The following GMPR variants were observed in gnomAD, a reference collection of about 807,000 sequenced individuals.
GMPR encodes GMP reductase 1.
GMPR carries 31 observed loss-of-function variants against 38.4 expected under a neutral mutation model. The ratio of observed to expected loss-of-function variants is 0.81; its 90% CI spans 0.61 to 1.09. The LOEUF (loss-of-function observed/expected upper bound fraction) is 1.09. Among genes scored for constraint, GMPR ranks in the 50% least tolerant of loss-of-function variants. GMPR has a pLI of 0.00. For missense variants in GMPR, 468 were observed against 453.7 expected, an observed-to-expected ratio of 1.03 and a Z score of -0.29; for synonymous variants, 162 against 173.3, an observed-to-expected ratio of 0.93 and a Z score of 0.51.
chr6:16,242,293 A>G (rs1250837299), intron 1 of GMPR, among the ~76,000 whole-genome samples: 1 of 151,072 alleles, frequency 6.6e-6, no homozygotes, highest in Non-Finnish European at 1.5e-5. Context: ...GCTGGGAGGA[A>G]GGATACCTGT....
At chr6:16,288,456 CGCTGGATTTCTG>C (rs1759743491) in intron 7 of GMPR, among the ~76,000 whole-genome samples, 2 of 152,208 alleles carry the variant, frequency 1.3e-5, no homozygotes, top group South Asian at 4.1e-4. Context: ...ACTGGCGCTG[CGCTGGATTTCTG>C]GCTGGGCCTT....
chr6:16,290,765 T>C, intron 8 of GMPR, 144 bp downstream of exon 8: 1 of 680,014 alleles, frequency 1.5e-6, no homozygotes, highest in Non-Finnish European at 2.5e-6. Context: ...CTAATTTGTA[T>C]CCAGTTAGCA....
At position 16,248,274 on chromosome 6, in the gene GMPR, C is replaced by G. The variant is rs376124843; in HGVS notation, c.207+1313C>G. 5.2e-5 allele frequency among the ~76,000 whole-genome samples: 7 copies of G among 133,876 alleles called. No homozygotes were observed. In the South Asian group the frequency reaches 1.8e-3, roughly 35 times the overall value. The allele number at this position is 133,876 out of a possible 152,430, so 87.8% of individuals were successfully genotyped here. A position where few individuals can be genotyped will look rare whatever the true frequency, so the allele number is the denominator to read the frequency against. On this transcript the variant is annotated intron_variant, in intron 2 of 8. Coordinates refer to ENST00000259727, the MANE Select transcript of GMPR (RefSeq NM_006877.4). The stretch of plus-strand genomic sequence containing the variant: ...AAAAAAAAAAATTCATTGTATAGAT[C>G]AATCTGAGAAGTACTGTTTGTTAAA...
At chr6:16,240,630 G>A (rs1758629911) in intron 1 of GMPR, among the ~76,000 whole-genome samples, 1 of 152,162 alleles carries the variant, frequency 6.6e-6, no homozygotes, top group Admixed American at 6.6e-5. Context: ...TGTCTCTAAA[G>A]CTAAAATGAA....
intron 7 of GMPR, chr6:16,289,887 T>G (rs6920860): frequency 8.4e-6 from 1 of 118,814 alleles, no homozygotes; most frequent in Non-Finnish European, 1.7e-5. Context: ...TTTTTTTTTG[T>G]GAGACGGAGT....
chr6:16,284,714 T>C (rs1308531012), intron 6 of GMPR, among the ~76,000 whole-genome samples: 4 of 152,058 alleles, frequency 2.6e-5, no homozygotes, highest in Non-Finnish European at 4.4e-5. Context: ...TGGTGTCTTG[T>C]GTTTGTAAGA....
chr6:16,295,480 CTT>C lies in GMPR; in HGVS notation c.*296_*297del. 3.5e-6 allele frequency: 1 copy of C among 287,954 alleles called. No homozygotes were observed. Among genetic ancestry groups the C allele is most frequent in the Non-Finnish European group, 6.4e-6 (1 of 157,002 alleles). The allele number at this position is 287,954 out of a possible 1,614,324, so 17.8% of individuals were successfully genotyped here. On this transcript the variant is annotated 3_prime_UTR_variant, in exon 9 of 9. Transcript: ENST00000259727. The stretch of plus-strand genomic sequence containing the variant: ...TCTTTTTCTCTTTCTCTCTCCCTTT[CTT>C]TGTTTTTCTTTCTTTTTTAAAAGAA...
intron 4 of GMPR, among the ~76,000 whole-genome samples, chr6:16,267,643 A>AT (rs1305711911): frequency 6.6e-6 from 1 of 152,150 alleles, no homozygotes; most frequent in African/African-American, 2.4e-5. Flanking sequence ...CCGCAGCCGA[A>AT]GGTCTGTGGC....
chr6:16,273,487 TC>T (rs1759421084), intron 4 of GMPR, among the ~76,000 whole-genome samples: 1 of 152,142 alleles, frequency 6.6e-6, no homozygotes, highest in African/African-American at 2.4e-5. Context: ...GACACATCCT[TC>T]TGGTTGATAG....
intron 1 of GMPR, among the ~76,000 whole-genome samples, chr6:16,244,210 C>CTTT (rs760576826): frequency 8.4e-6 from 1 of 118,752 alleles, no homozygotes; most frequent in Non-Finnish European, 1.8e-5. Context: ...TCTATTTGTA[C>CTTT]TTTTTTTTTT....
chr6:16,248,359 C>A (rs1758801522), intron 2 of GMPR, among the ~76,000 whole-genome samples: 1 of 149,428 alleles, frequency 6.7e-6, no homozygotes, highest in African/African-American at 2.5e-5. Flanking sequence ...AAGGAAAACC[C>A]ATTTGTGGGC....
chr6:16,276,802 T>G (rs529380683), intron 5 of GMPR, among the ~76,000 whole-genome samples: 1 of 152,352 alleles, frequency 6.6e-6, no homozygotes, highest in Non-Finnish European at 1.5e-5. Flanking sequence ...CATTCATTAT[T>G]GAGCAACTCC....
intron 1 of GMPR, among the ~76,000 whole-genome samples, chr6:16,239,464 C>T (rs1037391006): frequency 6.6e-6 from 1 of 152,206 alleles, no homozygotes. Flanking sequence ...TCCTAAGGAA[C>T]AGGTGGAGAC....
intron 6 of GMPR, among the ~76,000 whole-genome samples, chr6:16,280,533 AGT>A: frequency 6.6e-6 from 1 of 152,228 alleles, no homozygotes; most frequent in Non-Finnish European, 1.5e-5. Context: ...TTGAGCAACT[AGT>A]GTGTAAAAGG....
chr6:16,252,490 G>A lies in GMPR; in HGVS notation c.292-2072G>A, dbSNP rs188614959. Among the ~76,000 whole-genome samples, 77 of 152,108 alleles carry A rather than the reference G, an allele frequency of 5.1e-4. 1 individual carries two copies. The highest frequency in any genetic ancestry group is 1.6e-3 in the African/African-American group (67 of 41,512). On this transcript the variant is annotated intron_variant, in intron 3 of 8. Transcript: ENST00000259727. Reference sequence around the variant, plus strand: ...TGACCTGAAATGATCCACCCACCTCGGCCTCCTAAAGTGCTGGGATTATAG... The same window carrying A: ...TGACCTGAAATGATCCACCCACCTCAGCCTCCTAAAGTGCTGGGATTATAG...
intron 4 of GMPR, among the ~76,000 whole-genome samples, chr6:16,267,070 G>C (rs1212246435): frequency 1.3e-5 from 2 of 151,130 alleles, no homozygotes; most frequent in Non-Finnish European, 1.5e-5. Context: ...CCACCTTTAA[G>C]AGCTGTAACA....
intron 4 of GMPR, among the ~76,000 whole-genome samples, chr6:16,256,028 C>T (rs529160512): frequency 3.4e-4 from 51 of 151,380 alleles, no homozygotes; most frequent in Admixed American, 3.0e-3. Flanking sequence ...CCAGCCTGGC[C>T]AACATGGCGA....
At chr6:16,261,308 TAAG>T (rs1361587248) in intron 4 of GMPR, among the ~76,000 whole-genome samples, 1 of 151,946 alleles carries the variant, frequency 6.6e-6, no homozygotes, top group Non-Finnish European at 1.5e-5. Context: ...AGGTAACAGA[TAAG>T]GAGAAAATTT....
intron 4 of GMPR, among the ~76,000 whole-genome samples, chr6:16,258,702 G>A (rs1233639695): frequency 1.3e-5 from 2 of 152,178 alleles, no homozygotes; most frequent in African/African-American, 2.4e-5. Context: ...TGAAATCTGT[G>A]ATTCTTTTGG....
Sources: allele counts gnomAD v4.1 joint callset (sites outside exome capture counted in the v4.1 genomes callset), GRCh38; gene constraint gnomAD v4.1.1; transcripts MANE v1.5; gene names NCBI Gene and HGNC (gene_info 2026-07-23, HGNC 2026-07-21).